Variants in RFC5 observed in about 807,000 individuals in gnomAD.
The protein encoded by RFC5 is A1 36 kDa subunit.
RFC5 carries 26 observed loss-of-function variants against 44.3 expected under a neutral mutation model. The ratio of observed to expected loss-of-function variants is 0.59; its 90% CI spans 0.43 to 0.81. The LOEUF (loss-of-function observed/expected upper bound fraction) is 0.81, where lower values mean the gene tolerates loss of function less well. Ranked by LOEUF, RFC5 falls within the 40% of genes least tolerant of loss-of-function variation. The pLI is 0.00. For missense variants in RFC5, 328 were observed against 418.6 expected, an observed-to-expected ratio of 0.78 and a Z score of 1.89; for synonymous variants, 155 against 155.2, an observed-to-expected ratio of 1.00 and a Z score of 0.01.
At chr12:118,033,990 A>C, downstream of RFC5, 1 of 644,654 alleles carries the variant, frequency 1.6e-6, no homozygotes. Flanking sequence ...TGCAAGTGGA[A>C]TCTCTTCCTC....
At chr12:118,022,464 A>G (rs989666960) in intron 5 of RFC5, 105 bp downstream of exon 5, 2 of 804,008 alleles carry the variant, frequency 2.5e-6, no homozygotes, top group African/African-American at 1.8e-5. Context: ...GGCGGGGGGG[A>G]GTTTTTTTTT....
downstream of RFC5, chr12:118,033,385 C>T (rs1410188953): frequency 6.6e-6 from 1 of 152,516 alleles, no homozygotes; most frequent in Non-Finnish European, 1.5e-5. Context: ...GAGAAAAACA[C>T]AGTTGTACCT....
chr12:118,034,582 T>TCTC, downstream of RFC5: 1 of 542,918 alleles, frequency 1.8e-6, no homozygotes, highest in Non-Finnish European at 3.2e-6. Flanking sequence ...GCGCTCTCTC[T>TCTC]GTCTCTCTCT....
chr12:118,020,782 G>T, intron 3 of RFC5, 124 bp from the exon 4 acceptor site: 3 of 545,796 alleles, frequency 5.5e-6, no homozygotes, highest in South Asian at 2.8e-5. Context: ...TGATCTCTTA[G>T]CCATCATTAG....
downstream of RFC5, chr12:118,034,618 C>T (rs146455688): frequency 1.3e-5 from 6 of 459,868 alleles, no homozygotes; most frequent in Middle Eastern, 6.2e-4. Context: ...TAAATCTGAC[C>T]ACAGTTAGTT....
chr12:118,038,838 G>C, the RFC5 span, among the ~76,000 whole-genome samples: 1 of 152,032 alleles, frequency 6.6e-6, no homozygotes, highest in African/African-American at 2.4e-5. Flanking sequence ...GTGCCACTGC[G>C]CCCAGCTCAT....
At chr12:118,021,168 TTAAAA>T (rs1283837177) in intron 4 of RFC5, among the ~76,000 whole-genome samples, 183 bp downstream of exon 4, 1 of 152,214 alleles carries the variant, frequency 6.6e-6, no homozygotes, top group African/African-American at 2.4e-5. Flanking sequence ...AATGCAACTG[TTAAAA>T]TAAAATGTTA....
downstream of RFC5, chr12:118,033,962 C>A: frequency 1.9e-6 from 1 of 537,240 alleles, no homozygotes. Flanking sequence ...GAAAATTTAA[C>A]GTAAGGCTCT....
rs764854237 is a variant in RFC5, at chr12:118,024,946, C to T, written c.517C>T (p.Arg173Trp). ...PALQSRCTRF[R>W]FGPLTPELMV... Reference sequence around the variant, plus strand: ...CTTGCAGTCCCGCTGCACGAGGTTTCGGTTCGGTCCCCTGACTCCTGAACT... The same window carrying T: ...CTTGCAGTCCCGCTGCACGAGGTTTTGGTTCGGTCCCCTGACTCCTGAACT... Residue 173 changes from arginine (R) to tryptophan (W), a missense_variant, in exon 6 of 11, where the codon CGG (arginine) becomes TGG (tryptophan). Coordinates refer to ENST00000454402, the MANE Select transcript of RFC5 (RefSeq NM_007370.7). The T allele has an allele frequency of 9.9e-6, 16 of 1,614,000 alleles. No individual in the cohort carries two copies. The highest frequency in any genetic ancestry group is 1.3e-5 in the African/African-American group (1 of 74,932).
intron 5 of RFC5, among the ~76,000 whole-genome samples, chr12:118,023,049 A>G (rs1365699097): frequency 6.9e-6 from 1 of 144,710 alleles, no homozygotes; most frequent in African/African-American, 2.6e-5. Context: ...GGGTGTGGAA[A>G]ATCTTTCATC....
At chr12:118,025,145 G>T in intron 6 of RFC5, 135 bp downstream of exon 6, 1 of 681,832 alleles carries the variant, frequency 1.5e-6, no homozygotes, top group Non-Finnish European at 2.4e-6. Flanking sequence ...GAGGCACTGG[G>T]GACCGTCCAC....
At chr12:118,027,102 T>A (rs1016346085) in intron 8 of RFC5, 84 bp downstream of exon 8, 114 of 1,395,120 alleles carry the variant, frequency 8.2e-5, no homozygotes, top group Middle Eastern at 7.3e-4. Context: ...CACACCTTGC[T>A]GGCAAAGGAT....
At chr12:118,035,638 T>C (rs541438786), downstream of RFC5, 1 of 257,134 alleles carries the variant, frequency 3.9e-6, no homozygotes, top group South Asian at 6.8e-5. Flanking sequence ...ATGATAATTA[T>C]AGGACTGCCT....
Position 118,019,878 on chromosome 12 carries a change from A to G in RFC5, c.267+110A>G. ...AAAGTAAGTTGCCCCACGGACAGTTAGGAAAGAAGTAAATTTGAATATTTT... is the reference window on the plus strand; with the variant it reads ...AAAGTAAGTTGCCCCACGGACAGTTGGGAAAGAAGTAAATTTGAATATTTT... On this transcript the variant is annotated intron_variant, in intron 3 of 10. Transcript: ENST00000454402. This position sits in a 1 kb window ranked among gnomAD's most constrained non-coding sequence, Gnocchi z 4.2. The G allele has an allele frequency of 1.2e-6, 1 of 848,140 alleles. No individual in the cohort carries two copies. Among genetic ancestry groups the G allele is most frequent in the East Asian group, 2.6e-5 (1 of 38,898 alleles). 52.5% of individuals were successfully genotyped at this position (848,140 alleles called of 1,614,324 possible).
intron 8 of RFC5, 74 bp downstream of exon 8, chr12:118,027,092 C>A (rs1002260353): frequency 6.9e-5 from 102 of 1,474,774 alleles, no homozygotes; most frequent in Middle Eastern, 3.5e-4. Context: ...AGCCAGCACC[C>A]ACACCTTGCT....
chr12:118,020,494 C>A (rs2030410398), intron 3 of RFC5, among the ~76,000 whole-genome samples: 1 of 152,150 alleles, frequency 6.6e-6, no homozygotes, highest in Non-Finnish European at 1.5e-5. Flanking sequence ...TGAGTATTGT[C>A]TATTGCAAGA....
At position 118,019,770 on chromosome 12, in the gene RFC5, TA is replaced by T; in HGVS notation, c.267+5del. On this transcript the variant is annotated splice_donor_region_variant and intron_variant, in intron 3 of 10. Coordinates refer to ENST00000454402, the MANE Select transcript of RFC5 (RefSeq NM_007370.7). The surrounding 1 kb of genome is among the most constrained non-coding windows in gnomAD (Gnocchi z 4.2). ...GAATTTGGCTCCATGGTCTTGGAGG[TA>T]AATAAGATTGTTCTTACTCTACAAA... 2 of 1,611,566 alleles carry T rather than the reference TA, an allele frequency of 1.2e-6. No homozygotes were observed. The highest frequency in any genetic ancestry group is 1.7e-6 in the Non-Finnish European group (2 of 1,178,144).
chr12:118,022,920 C>T (rs919490416), intron 5 of RFC5, among the ~76,000 whole-genome samples: 1 of 152,220 alleles, frequency 6.6e-6, no homozygotes, highest in African/African-American at 2.4e-5. Context: ...ACTTCCCCTT[C>T]AGCAGCCTAG....
chr12:118,018,608 GT>G (rs369341870), intron 1 of RFC5, among the ~76,000 whole-genome samples: 33 of 146,362 alleles, frequency 2.3e-4, no homozygotes, highest in African/African-American at 4.0e-4. Flanking sequence ...AAAGGATTCT[GT>G]TTTTTTTTTT....
Sources: gnomAD v4.1 joint callset for allele counts (sites outside exome capture counted in the v4.1 genomes callset) on GRCh38, gnomAD v4.1.1 for gene constraint, Gnocchi (gnomAD v3.1) non-coding constraint, MANE v1.5 for transcripts, NCBI Gene and HGNC (gene_info 2026-07-23, HGNC 2026-07-21) for gene names.